RNF135: variants seen among roughly 807,000 people sequenced by gnomAD.
The protein encoded by RNF135 is E3 ubiquitin-protein ligase RNF135.
In RNF135, 46 loss-of-function variants were observed where a neutral mutation model predicts 41.9. The ratio of observed to expected loss-of-function variants is 1.10; its 90% CI spans 0.87 to 1.40. RNF135 has a LOEUF of 1.40. Ranked by LOEUF, RNF135 falls within the 40% of genes most tolerant of loss-of-function variation. RNF135 has a pLI of 0.00. For synonymous variants in RNF135, 238 were observed against 223.8 expected (o/e 1.06, Z -0.57); for missense variants, 539 against 549.8 (o/e 0.98, Z 0.20).
intron 1 of RNF135, among the ~76,000 whole-genome samples, chr17:30,981,228 C>T (rs1339045330): frequency 1.3e-5 from 2 of 148,444 alleles, no homozygotes; most frequent in African/African-American, 2.6e-5. Context: ...GGCGTGGCGG[C>T]GCGCGCCTGC....
intron 1 of RNF135, among the ~76,000 whole-genome samples, chr17:30,983,354 T>TATATATATATATATA (rs1491179041): frequency 2.6e-3 from 67 of 25,594 alleles, no homozygotes; most frequent in Middle Eastern, 0.019. Flanking sequence ...TATATATATA[T>TATATATATATATATA]TTTTTTTTTT....
intron 1 of RNF135, among the ~76,000 whole-genome samples, chr17:30,983,077 T>C (rs548196371): frequency 1.6e-4 from 24 of 152,090 alleles, no homozygotes; most frequent in African/African-American, 5.8e-4. Context: ...ATTTATGTTG[T>C]AGCATGTGTC....
chr17:30,969,212 A>G (rs954143496), upstream of RNF135: 11 of 152,102 alleles, frequency 7.2e-5, no homozygotes, highest in African/African-American at 2.7e-4. Context: ...CAGTGATTTC[A>G]TTTTTTAAGT....
chr17:30,980,029 G>C (rs1176225976), intron 1 of RNF135: 2 of 120,868 alleles, frequency 1.7e-5, no homozygotes, highest in Non-Finnish European at 1.7e-5. Context: ...CTGGCCGGGC[G>C]GGGGGCTGAC....
intron 1 of RNF135, among the ~76,000 whole-genome samples, chr17:30,979,368 TC>T (rs1228964364): frequency 1.9e-5 from 1 of 53,894 alleles, no homozygotes; most frequent in Non-Finnish European, 3.6e-5. Context: ...CGGGGGGCTG[TC>T]CCCCCCACCT....
At chr17:30,975,300 G>GC in intron 1 of RNF135, 1 of 616,342 alleles carries the variant, frequency 1.6e-6, no homozygotes. Context: ...TCCAGCCTGG[G>GC]CAACAGAGCA....
chr17:30,980,039 C>CT (rs1350573058), intron 1 of RNF135: 1 of 125,208 alleles, frequency 8.0e-6, no homozygotes. Context: ...GGGGGGCTGA[C>CT]CCCCCACCTC....
At chr17:30,987,622 T>TA (rs1907682133) in intron 2 of RNF135, among the ~76,000 whole-genome samples, 1 of 152,240 alleles carries the variant, frequency 6.6e-6, no homozygotes, top group Non-Finnish European at 1.5e-5. Context: ...CTAGAAATGT[T>TA]AAACTTTTTT....
chr17:30,977,932 A>C (rs919117204), intron 1 of RNF135, among the ~76,000 whole-genome samples: 2 of 152,212 alleles, frequency 1.3e-5, no homozygotes, highest in African/African-American at 2.4e-5. Context: ...TGGTGTTGAT[A>C]AAATCCCTTA....
At chr17:30,969,292 A>T (rs1905694189), upstream of RNF135, 1 of 152,226 alleles carries the variant, frequency 6.6e-6, no homozygotes. Context: ...GCTCTTAGAA[A>T]CTACGATTTT....
chr17:30,971,644 C>G, intron 1 of RNF135, 199 bp downstream of exon 1: 2 of 1,352,840 alleles, frequency 1.5e-6, no homozygotes, highest in Non-Finnish European at 1.9e-6. Context: ...ACAAATTCCC[C>G]ATCTTCCGAA....
At chr17:30,970,448 C>G (rs1412603808), upstream of RNF135, 6 of 152,966 alleles carry the variant, frequency 3.9e-5, no homozygotes, top group African/African-American at 1.4e-4. Flanking sequence ...TTCGCTCACT[C>G]AACCTTGAAT....
chr17:30,980,413 G>A (rs1204506853), intron 1 of RNF135, among the ~76,000 whole-genome samples: 2 of 147,238 alleles, frequency 1.4e-5, no homozygotes, highest in Non-Finnish European at 1.5e-5. Context: ...GGGGCGGCCG[G>A]GCAGAGGGGC....
intron 1 of RNF135, among the ~76,000 whole-genome samples, chr17:30,979,356 G>A (rs1395741478): frequency 2.3e-5 from 3 of 131,360 alleles, no homozygotes; most frequent in African/African-American, 8.9e-5. Context: ...CGGCTGGCCG[G>A]GCGGGGGGCT....
Position 30,984,534 on chromosome 17 carries a change from A to G in RNF135, c.373-83A>G. 4 of 1,407,326 alleles carry G rather than the reference A, an allele frequency of 2.8e-6. No homozygotes were observed. The South Asian group carries it at 4.6e-5, about 16-fold the overall frequency. The allele number at this position is 1,407,326 out of a possible 1,614,324, so 87.2% of individuals were successfully genotyped here. A position where few individuals can be genotyped will look rare whatever the true frequency, so the allele number is the denominator to read the frequency against. ...ATGTCTGTTTTTATGCCATTACCAC[A>G]GTATTTATGATTCCCTCTGTCTAGT... is the stretch of plus-strand genomic sequence containing the variant. On this transcript the variant is annotated intron_variant, in intron 1 of 4. Coordinates refer to ENST00000328381, the MANE Select transcript of RNF135 (RefSeq NM_032322.4).
Position 30,998,737 on chromosome 17 carries a change from CTG to C in RNF135, c.849_850del (p.His285ProfsTer10), listed in dbSNP as rs766222608. The stretch of plus-strand genomic sequence containing the variant: ...GTGTCCAAGGATTCCCGTACAGTGA[CTG>C]TGTCTCACCGCCCACAACCCTATCG... On this transcript the variant is annotated frameshift_variant, in exon 5 of 5. Coordinates refer to ENST00000328381, the MANE Select transcript of RNF135 (RefSeq NM_032322.4). LOFTEE classifies it high-confidence loss of function. 6.2e-7 allele frequency: 1 copy of C among 1,613,180 alleles called. No homozygotes were observed. The highest frequency in any genetic ancestry group is 8.5e-7 in the Non-Finnish European group (1 of 1,179,734).
chr17:30,966,391 TTA>T (rs1567732257), upstream of RNF135, among the ~76,000 whole-genome samples: 3 of 128,414 alleles, frequency 2.3e-5, no homozygotes, highest in African/African-American at 1.4e-4. Context: ...AAGTTTTATT[TTA>T]TTATTTTTTT....
chr17:30,972,508 C>T (rs1906080158), intron 1 of RNF135: 1 of 152,200 alleles, frequency 6.6e-6, no homozygotes, highest in African/African-American at 2.4e-5. Flanking sequence ...GTTTCATCAT[C>T]ATAAACAGAA....
upstream of RNF135, among the ~76,000 whole-genome samples, chr17:30,966,756 C>T (rs1429581612): frequency 1.3e-5 from 2 of 151,762 alleles, no homozygotes; most frequent in Non-Finnish European, 2.9e-5. Context: ...CCACACGCCT[C>T]GGCCTCCCAA....
Sources: gnomAD v4.1 joint callset for allele counts (sites outside exome capture counted in the v4.1 genomes callset) on GRCh38, gnomAD v4.1.1 for gene constraint, MANE v1.5 for transcripts, NCBI Gene and HGNC (gene_info 2026-07-23, HGNC 2026-07-21) for gene names.